Variants in MBNL2 observed in about 807,000 individuals in gnomAD.
MBNL2 encodes the protein muscleblind like splicing regulator 2, also known as muscleblind-like protein 2.
A neutral mutation model predicts 41.9 loss-of-function variants in MBNL2; 17 were observed. The ratio of observed to expected loss-of-function variants is 0.41; its 90% confidence interval spans 0.28 to 0.61. The LOEUF (loss-of-function observed/expected upper bound fraction) is 0.61, where lower values mean the gene tolerates loss of function less well. Among genes scored for constraint, MBNL2 ranks in the 20% least tolerant of loss-of-function variants. The pLI, the probability that MBNL2 is intolerant of heterozygous loss-of-function variation, is 0.35. For missense variants in MBNL2, 336 were observed against 505.6 expected, an observed-to-expected ratio of 0.66 and a Z score of 3.22; for synonymous variants, 195 against 182.9, an observed-to-expected ratio of 1.07 and a Z score of -0.53.
At chr13:97,335,460 T>C (rs1296636358) in intron 3 of MBNL2, among the ~76,000 whole-genome samples, 1 of 152,132 alleles carries the variant, frequency 6.6e-6, no homozygotes, top group African/African-American at 2.4e-5. Flanking sequence ...TTGTGTTCCC[T>C]GTGAGATGGG....
the MBNL2 span, among the ~76,000 whole-genome samples, chr13:97,216,037 T>C: frequency 6.6e-6 from 1 of 152,216 alleles, no homozygotes; most frequent in Non-Finnish European, 1.5e-5. Context: ...CCTCCTATTT[T>C]CCTTAACCCA....
At chr13:97,388,404 A>C (rs1428079835) in intron 8 of MBNL2, among the ~76,000 whole-genome samples, 1 of 151,890 alleles carries the variant, frequency 6.6e-6, no homozygotes, top group Non-Finnish European at 1.5e-5. Flanking sequence ...CTATTCATCA[A>C]ACATTAAATT....
the MBNL2 span, among the ~76,000 whole-genome samples, chr13:97,155,502 C>T: frequency 6.7e-6 from 1 of 149,850 alleles, no homozygotes; most frequent in Non-Finnish European, 1.5e-5. Flanking sequence ...CCCACTAACT[C>T]GTCATCTAGC....
intron 1 of MBNL2, among the ~76,000 whole-genome samples, chr13:97,246,756 C>T (rs1016721526): frequency 2.6e-5 from 4 of 152,158 alleles, no homozygotes; most frequent in South Asian, 2.1e-4. Flanking sequence ...TACCAAACCA[C>T]GCTACAAGAC....
intron 8 of MBNL2, among the ~76,000 whole-genome samples, chr13:97,368,278 G>T (rs999850956): frequency 6.6e-6 from 1 of 152,018 alleles, no homozygotes; most frequent in Non-Finnish European, 1.5e-5. Context: ...CAGGCACGGG[G>T]TGCCATACAC....
the MBNL2 span, among the ~76,000 whole-genome samples, chr13:97,156,422 G>C: frequency 1.4e-5 from 2 of 144,670 alleles, no homozygotes; most frequent in Admixed American, 1.4e-4. Flanking sequence ...TGTCAATTTT[G>C]GCTTTTGTTG....
At chr13:97,303,184 G>C (rs926356573) in intron 2 of MBNL2, among the ~76,000 whole-genome samples, 1 of 152,150 alleles carries the variant, frequency 6.6e-6, no homozygotes, top group African/African-American at 2.4e-5. Flanking sequence ...GCAGGCTTTG[G>C]GATCATGAGT....
In MBNL2 at chr13:97,346,773, T is replaced by C. The variant is rs748246896; in HGVS notation, c.541-31T>C. 1.0e-5 allele frequency: 16 copies of C among 1,605,644 alleles called. No individual in the cohort carries two copies. The highest frequency in any genetic ancestry group is 1.3e-5 in the Non-Finnish European group (15 of 1,174,866). ...AGGGGCGCCTGGGCTCAGGCTTGCC[T>C]CTGCAGCGCGGCTCTTCTTCCCTGT... On this transcript the variant is annotated intron_variant, in intron 4 of 8. Coordinates refer to ENST00000679496, the MANE Select transcript of MBNL2 (RefSeq NM_001382683.1). The surrounding 1 kb of genome is among the most constrained non-coding windows in gnomAD (Gnocchi z 4.2).
intron 8 of MBNL2, among the ~76,000 whole-genome samples, chr13:97,382,909 C>T (rs1157707824): frequency 6.6e-6 from 1 of 151,828 alleles, no homozygotes; most frequent in African/African-American, 2.4e-5. Flanking sequence ...TTGATTTTAC[C>T]TTTTCTGGCA....
At chr13:97,303,246 G>A (rs1204559927) in intron 2 of MBNL2, among the ~76,000 whole-genome samples, 2 of 152,158 alleles carry the variant, frequency 1.3e-5, no homozygotes, top group African/African-American at 4.8e-5. Context: ...TTAAGTATCT[G>A]GGGACAGGAG....
At chr13:97,203,359 G>A in the MBNL2 span, among the ~76,000 whole-genome samples, 16 of 152,062 alleles carry the variant, frequency 1.1e-4, no homozygotes, top group South Asian at 2.1e-4. Flanking sequence ...GAATAGAGGC[G>A]CAAGTCTTTA....
At chr13:97,150,412 C>A in the MBNL2 span, among the ~76,000 whole-genome samples, 2 of 152,118 alleles carry the variant, frequency 1.3e-5, no homozygotes, top group East Asian at 3.9e-4. Context: ...TGGGTCAAAG[C>A]CACATGGTCT....
intron 2 of MBNL2, among the ~76,000 whole-genome samples, chr13:97,299,887 C>A (rs939251787): frequency 2.9e-4 from 44 of 152,132 alleles, no homozygotes; most frequent in African/African-American, 1.0e-3. Context: ...AGAGACCCAA[C>A]AATCATATGG....
chr13:97,342,946 A>G, intron 3 of MBNL2, 70 bp from the exon 4 acceptor site: 1 of 937,774 alleles, frequency 1.1e-6, no homozygotes, highest in East Asian at 2.5e-5. Flanking sequence ...TGCTCAAATG[A>G]CATTTGCTGG....
intron 2 of MBNL2, among the ~76,000 whole-genome samples, chr13:97,291,724 T>G (rs35538229): frequency 0.087 from 13,068 of 150,146 alleles, 633 homozygotes; most frequent in South Asian, 0.14. Flanking sequence ...GTGAAAACCC[T>G]TCTCTGCTAA....
chr13:97,210,192 T>C, the MBNL2 span, among the ~76,000 whole-genome samples: 1 of 152,240 alleles, frequency 6.6e-6, no homozygotes, highest in Non-Finnish European at 1.5e-5. Context: ...TGGTCCAAAG[T>C]ATTAGCTCAG....
At chr13:97,306,449 C>T (rs1429794337) in intron 2 of MBNL2, among the ~76,000 whole-genome samples, 1 of 152,248 alleles carries the variant, frequency 6.6e-6, no homozygotes, top group African/African-American at 2.4e-5. Context: ...TTCTTCAAGG[C>T]ACATATTTCT....
At chr13:97,216,731 A>G (rs1380220628), upstream of MBNL2, among the ~76,000 whole-genome samples, 2 of 152,300 alleles carry the variant, frequency 1.3e-5, no homozygotes, top group East Asian at 1.9e-4. Flanking sequence ...TAAGCTTGCT[A>G]ACTTTGGTAT....
Position 97,371,930 on chromosome 13 carries a change from G to GCT in MBNL2, c.1048+6761_1048+6762dup, listed in dbSNP as rs534326083. 5.3e-5 allele frequency among the ~76,000 whole-genome samples: 8 copies of GCT among 152,304 alleles called. No individual in the cohort carries two copies. In the South Asian group the frequency reaches 1.4e-3, roughly 28 times the overall value. On this transcript the variant is annotated intron_variant, in intron 8 of 8. Coordinates refer to ENST00000679496, the MANE Select transcript of MBNL2 (RefSeq NM_001382683.1). ...CTCGCTGTTTGGACACATGCAATGT[G>GCT]CTCACCTTTCACATGGGCCTTCCCA... is the stretch of plus-strand genomic sequence containing the variant.
Sources: gnomAD v4.1 joint callset for allele counts (sites outside exome capture counted in the v4.1 genomes callset) on GRCh38, gnomAD v4.1.1 for gene constraint, Gnocchi (gnomAD v3.1) non-coding constraint, MANE v1.5 for transcripts, NCBI Gene and HGNC (gene_info 2026-07-23, HGNC 2026-07-21) for gene names.